The following IARS1 variants were observed in gnomAD, a reference collection of about 807,000 sequenced individuals.
IARS1 encodes isoleucine--tRNA ligase, cytoplasmic.
IARS1 carries 124 observed loss-of-function variants against 168.2 expected under a neutral mutation model. That is an observed-to-expected ratio of 0.74 (90% CI 0.64 to 0.86). IARS1 has a LOEUF of 0.86. Among genes scored for constraint, IARS1 ranks in the 40% least tolerant of loss-of-function variants. The pLI, the probability that IARS1 is intolerant of heterozygous loss-of-function variation, is 0.00. For missense variants in IARS1, 1,452 were observed against 1,515.8 expected (o/e 0.96, Z 0.70); for synonymous variants, 532 against 529.4 (o/e 1.00, Z -0.07).
At chr9:92,246,093 T>A (rs531193643) in intron 26 of IARS1, among the ~76,000 whole-genome samples, 13 of 152,326 alleles carry the variant, frequency 8.5e-5, no homozygotes, top group Admixed American at 3.9e-4. Context: ...GAATTTTTGA[T>A]GCTTTGGCTA....
At chr9:92,291,643 C>A (rs1344837694) in intron 1 of IARS1, among the ~76,000 whole-genome samples, 2 of 152,148 alleles carry the variant, frequency 1.3e-5, no homozygotes, top group African/African-American at 4.8e-5. Flanking sequence ...CTTTCAAGGA[C>A]CAAAATAAGT....
chr9:92,284,863 C>T (rs1299873273), intron 6 of IARS1, among the ~76,000 whole-genome samples: 3 of 152,158 alleles, frequency 2.0e-5, no homozygotes. Flanking sequence ...TCATTCTCTA[C>T]ATTGTTAAGT....
rs766251642 is a variant in IARS1, at chr9:92,251,810, T to A, written c.2305A>T (p.Met769Leu). The change falls in exon 22 of 34, where the codon ATG (methionine) becomes TTG (leucine). Residue 769 changes from methionine (M) to leucine (L), a missense_variant and splice_region_variant. Coordinates refer to ENST00000443024, the MANE Select transcript of IARS1 (RefSeq NM_002161.6). Reference sequence around the variant, plus strand: ...TAGAAAGAAGCCAATCATCTTACCATAAGTCTGCAAAGAGAAAGCAGAACA... The same window carrying A: ...TAGAAAGAAGCCAATCATCTTACCAAAAGTCTGCAAAGAGAAAGCAGAACA... ...FSVLLSLCRL[M>L]APYTPFLTEL... is the part of the protein sequence containing the mutation. 1.2e-6 allele frequency: 2 copies of A among 1,612,894 alleles called. No individual in the cohort carries two copies. Among genetic ancestry groups the A allele is most frequent in the Admixed American group, 3.3e-5 (2 of 60,008 alleles).
intron 9 of IARS1, among the ~76,000 whole-genome samples, chr9:92,274,944 C>G (rs1833581953): frequency 6.6e-6 from 1 of 152,148 alleles, no homozygotes; most frequent in Non-Finnish European, 1.5e-5. Context: ...TCAAGTTATT[C>G]AGTCATAAAG....
Position 92,223,349 on chromosome 9 carries a change from G to T in IARS1, c.3550C>A (p.Gln1184Lys). The T allele has an allele frequency of 1.2e-6, 2 of 1,611,240 alleles. No individual in the cohort carries two copies. Among genetic ancestry groups the T allele is most frequent in the Non-Finnish European group, 8.5e-7 (1 of 1,178,132 alleles). ...INLQLLNAKP[Q>K]ECLMGTVGTL... Reference sequence around the variant, plus strand: ...CCTGCTGTGGGGAGGCACATACCTTGTGGCTTTGCATTCAGGAGCTGTAGG... The same window carrying T: ...CCTGCTGTGGGGAGGCACATACCTTTTGGCTTTGCATTCAGGAGCTGTAGG... Residue 1184 changes from glutamine to lysine, a missense_variant, in exon 32 of 34, where the codon CAA becomes AAA. Coordinates refer to ENST00000443024, the MANE Select transcript of IARS1 (RefSeq NM_002161.6).
At chr9:92,214,728 G>GTATTCT (rs1838345562) in intron 33 of IARS1, among the ~76,000 whole-genome samples, 1 of 152,182 alleles carries the variant, frequency 6.6e-6, no homozygotes, top group South Asian at 2.1e-4. Flanking sequence ...TTAAAAAACG[G>GTATTCT]CGCACCACGA....
intron 7 of IARS1, 29 bp from the exon 8 acceptor site, chr9:92,278,315 G>A: frequency 6.8e-7 from 1 of 1,475,650 alleles, no homozygotes; most frequent in South Asian, 1.1e-5. Flanking sequence ...ACATGGACTT[G>A]GGTTATATTC....
At chr9:92,231,797 T>C (rs935340482) in intron 30 of IARS1, among the ~76,000 whole-genome samples, 2 of 152,128 alleles carry the variant, frequency 1.3e-5, no homozygotes, top group African/African-American at 4.8e-5. Context: ...ATTTAATTGA[T>C]TTAAAGAAAA....
intron 6 of IARS1, among the ~76,000 whole-genome samples, chr9:92,283,763 G>C (rs1473425558): frequency 1.3e-5 from 2 of 152,192 alleles, no homozygotes; most frequent in African/African-American, 4.8e-5. Context: ...AGTCTTGGTA[G>C]ATCCTGATTT....
chr9:92,233,058 G>T (rs547308186), intron 30 of IARS1, among the ~76,000 whole-genome samples: 14 of 152,286 alleles, frequency 9.2e-5, no homozygotes, highest in Middle Eastern at 3.4e-3. Context: ...TATCTCAAGA[G>T]AATTTTCTTT....
At chr9:92,244,761 T>C (rs1404999288) in intron 27 of IARS1, among the ~76,000 whole-genome samples, 198 bp downstream of exon 27, 1 of 152,238 alleles carries the variant, frequency 6.6e-6, no homozygotes, top group Non-Finnish European at 1.5e-5. Flanking sequence ...AAATGCTTAC[T>C]TATGTATTCA....
chr9:92,250,989 T>C (rs1171982154), intron 22 of IARS1, 155 bp from the exon 23 acceptor site: 11 of 741,386 alleles, frequency 1.5e-5, no homozygotes, highest in Middle Eastern at 2.6e-4. Context: ...GAATGAGAAA[T>C]GGCCTCATAT....
chr9:92,266,780 T>C (rs1306786760), intron 14 of IARS1, among the ~76,000 whole-genome samples: 1 of 152,240 alleles, frequency 6.6e-6, no homozygotes, highest in East Asian at 1.9e-4. Context: ...CTCTGGCTCC[T>C]GTCCAGCCTT....
At chr9:92,268,568 C>A (rs1162837484) in intron 13 of IARS1, among the ~76,000 whole-genome samples, 2 of 152,210 alleles carry the variant, frequency 1.3e-5, no homozygotes, top group East Asian at 3.8e-4. Context: ...CTGCCACATA[C>A]CTCTAACCAG....
At chr9:92,251,750 T>C in intron 22 of IARS1, 58 bp downstream of exon 22, 1 of 1,135,704 alleles carries the variant, frequency 8.8e-7, no homozygotes, top group Non-Finnish European at 1.3e-6. Context: ...CTGCAGCAAG[T>C]AGGTGCTGAA....
chr9:92,250,135 CACTT>C (rs1829796773), intron 24 of IARS1, 48 bp downstream of exon 24: 2 of 1,201,172 alleles, frequency 1.7e-6, no homozygotes, highest in East Asian at 2.3e-5. Context: ...GCATTCCAAA[CACTT>C]AATTAATTTA....
At chr9:92,268,594 C>T (rs1411703636) in intron 13 of IARS1, among the ~76,000 whole-genome samples, 1 of 152,198 alleles carries the variant, frequency 6.6e-6, no homozygotes, top group African/African-American at 2.4e-5. Context: ...TTAGCTTTAG[C>T]CAGCCTCATC....
intron 14 of IARS1, 89 bp downstream of exon 14, chr9:92,268,085 A>T: frequency 7.3e-7 from 1 of 1,362,044 alleles, no homozygotes; most frequent in Non-Finnish European, 9.8e-7. Context: ...GCAAAGAAAA[A>T]AACACCCTAT....
intron 19 of IARS1, 88 bp downstream of exon 19, chr9:92,258,766 G>GTC: frequency 7.4e-7 from 1 of 1,356,358 alleles, no homozygotes; most frequent in South Asian, 1.5e-5. Flanking sequence ...CAGCCCTAAA[G>GTC]TCTCACACAG....
Sources: allele counts gnomAD v4.1 joint callset (sites outside exome capture counted in the v4.1 genomes callset), GRCh38; gene constraint gnomAD v4.1.1; transcripts MANE v1.5; gene names NCBI Gene and HGNC (gene_info 2026-07-23, HGNC 2026-07-21).